The following HECW2 variants were observed in gnomAD, a reference collection of about 807,000 sequenced individuals.
The protein encoded by HECW2 is HECT, C2 and WW domain containing E3 ubiquitin protein ligase 2.
In HECW2, 61 loss-of-function variants were observed where a neutral mutation model predicts 175.2. The observed-to-expected ratio is 0.35, with a 90% CI of 0.28 to 0.43. The LOEUF (loss-of-function observed/expected upper bound fraction) is 0.43, where lower values mean the gene tolerates loss of function less well. Among genes scored for constraint, HECW2 ranks in the 20% least tolerant of loss-of-function variants. The pLI, the probability that HECW2 is intolerant of heterozygous loss-of-function variation, is 1.00. For synonymous variants in HECW2, 671 were observed against 731.0 expected (o/e 0.92, Z 1.32); for missense variants, 1,524 against 2,000.5 (o/e 0.76, Z 4.54).
At chr2:196,437,792 T>C (rs1212353869) in intron 1 of HECW2, among the ~76,000 whole-genome samples, 1 of 150,264 alleles carries the variant, frequency 6.7e-6, no homozygotes, top group East Asian at 2.0e-4. Context: ...GAGAGAAAAA[T>C]GAAAGAGAGA....
chr2:196,298,640 C>G (rs2105670017), intron 13 of HECW2, among the ~76,000 whole-genome samples: 1 of 152,254 alleles, frequency 6.6e-6, no homozygotes, highest in East Asian at 1.9e-4. Flanking sequence ...AATGCTATCC[C>G]TCCCCACTCC....
chr2:196,330,622 A>C (rs1411058116), intron 4 of HECW2, among the ~76,000 whole-genome samples: 50 of 152,062 alleles, frequency 3.3e-4, no homozygotes, highest in Non-Finnish European at 5.9e-5. Flanking sequence ...CCCCACCCTC[A>C]ATATGTGATC....
chr2:196,389,402 C>T (rs915269228), intron 2 of HECW2, among the ~76,000 whole-genome samples: 5 of 152,112 alleles, frequency 3.3e-5, no homozygotes, highest in Admixed American at 6.5e-5. Context: ...TGGTCAAATA[C>T]GACTAGGATG....
Position 196,318,539 on chromosome 2 carries a change from G to A in HECW2, c.2338+13C>T, listed in dbSNP as rs779007322. 1.7e-5 allele frequency: 25 copies of A among 1,495,738 alleles called. No individual in the cohort carries two copies. In the Admixed American group the frequency reaches 3.5e-4, roughly 21 times the overall value. 92.7% of individuals were successfully genotyped at this position (1,495,738 alleles called of 1,614,324 possible). On this transcript the variant is annotated intron_variant, in intron 9 of 28. Coordinates refer to ENST00000644978, the MANE Select transcript of HECW2 (RefSeq NM_001348768.2). ...CGCTCGAGCCAAGAGCCACAGTGGT[G>A]TCCATATCCTACCTCCAGTAGCGCC...
At chr2:196,228,932 C>T (rs1445911406) in intron 21 of HECW2, among the ~76,000 whole-genome samples, 1 of 152,128 alleles carries the variant, frequency 6.6e-6, no homozygotes, top group East Asian at 1.9e-4. Flanking sequence ...ACCTGAGCTA[C>T]AGTATAAATT....
At chr2:196,466,428 C>G (rs1266597879) in intron 1 of HECW2, among the ~76,000 whole-genome samples, 1 of 152,180 alleles carries the variant, frequency 6.6e-6, no homozygotes, top group Non-Finnish European at 1.5e-5. Flanking sequence ...GTTTAGCTAG[C>G]AAGGGTTACC....
chr2:196,348,374 G>T lies in HECW2; in HGVS notation c.293-4610C>A, dbSNP rs542480107. ...GAACAATAGTGGGCCCAGGTGCAGT[G>T]GGTCATGCCTGTCATCCTAACACTT... On this transcript the variant is annotated intron_variant, in intron 2 of 28. Coordinates refer to ENST00000644978, the MANE Select transcript of HECW2 (RefSeq NM_001348768.2). Among the ~76,000 whole-genome samples the T allele has an allele frequency of 9.2e-5, 14 of 152,218 alleles. No individual in the cohort carries two copies. In the South Asian group the frequency reaches 2.9e-3, roughly 32 times the overall value.
intron 2 of HECW2, among the ~76,000 whole-genome samples, chr2:196,366,392 T>A (rs1158334533): frequency 2.0e-5 from 3 of 152,208 alleles, no homozygotes; most frequent in Admixed American, 2.0e-4. Flanking sequence ...CCTCTAGGAA[T>A]GTCCATTCAA....
Position 196,408,627 on chromosome 2 carries a change from C to T in HECW2, c.292+24505G>A, listed in dbSNP as rs1300014331. Among the ~76,000 whole-genome samples, 6 of 152,312 alleles carry T rather than the reference C, an allele frequency of 3.9e-5. No individual in the cohort carries two copies. The South Asian group carries it at 1.0e-3, about 26-fold the overall frequency. On this transcript the variant is annotated intron_variant, in intron 2 of 28. Transcript: ENST00000644978. The stretch of plus-strand genomic sequence containing the variant: ...AGAAATTCTACACCCCTCCATTGAA[C>T]TTTCTTTCAAGATACAAAGTAGAAG...
intron 17 of HECW2, 67 bp from the exon 18 acceptor site, chr2:196,257,973 G>A (rs1689131172): frequency 8.7e-7 from 1 of 1,151,118 alleles, no homozygotes; most frequent in Admixed American, 1.8e-5. Flanking sequence ...CAGTAGTAAA[G>A]AGCATTTTTT....
intron 1 of HECW2, among the ~76,000 whole-genome samples, chr2:196,463,555 A>T (rs1269279313): frequency 6.6e-6 from 1 of 152,214 alleles, no homozygotes; most frequent in Non-Finnish European, 1.5e-5. Context: ...ATTCGTTTGC[A>T]TTATGACTAT....
At chr2:196,460,903 G>T (rs555693284) in intron 1 of HECW2, among the ~76,000 whole-genome samples, 7 of 150,782 alleles carry the variant, frequency 4.6e-5, no homozygotes, top group African/African-American at 1.5e-4. Flanking sequence ...AGGATTACAG[G>T]TGTGAGCCAC....
At chr2:196,435,025 G>C (rs1695830793) in intron 1 of HECW2, among the ~76,000 whole-genome samples, 1 of 152,182 alleles carries the variant, frequency 6.6e-6, no homozygotes, top group African/African-American at 2.4e-5. Context: ...CCTGTGCTAG[G>C]TTTATAGCAC....
intron 1 of HECW2, among the ~76,000 whole-genome samples, chr2:196,440,130 G>T (rs1695997217): frequency 1.3e-5 from 2 of 152,160 alleles, no homozygotes; most frequent in African/African-American, 2.4e-5. Context: ...TAACTCTTAT[G>T]AGGGTGGGTC....
intron 22 of HECW2, among the ~76,000 whole-genome samples, chr2:196,227,597 C>T (rs1011443443): frequency 1.3e-5 from 2 of 152,116 alleles, no homozygotes; most frequent in Non-Finnish European, 2.9e-5. Context: ...CCCCACTGCC[C>T]ACTAGAGCAC....
chr2:196,304,665 A>AT (rs1283787386), intron 13 of HECW2, among the ~76,000 whole-genome samples: 1 of 152,008 alleles, frequency 6.6e-6, no homozygotes. Context: ...TTAAAGCATG[A>AT]TTTTTTTCTG....
chr2:196,302,789 C>T (rs1323626857), intron 13 of HECW2, among the ~76,000 whole-genome samples: 1 of 152,178 alleles, frequency 6.6e-6, no homozygotes, highest in Non-Finnish European at 1.5e-5. Context: ...ACTGAAGTTG[C>T]TTATCAGCTT....
intron 2 of HECW2, among the ~76,000 whole-genome samples, chr2:196,368,510 T>C (rs13400458): frequency 0.26 from 38,975 of 152,064 alleles, 6,339 homozygotes; most frequent in African/African-American, 0.46. Context: ...ATTTGAATAT[T>C]GATATCTTTC....
intron 1 of HECW2, among the ~76,000 whole-genome samples, chr2:196,487,057 G>A (rs890070278): frequency 6.6e-6 from 1 of 151,394 alleles, no homozygotes; most frequent in African/African-American, 2.4e-5. Flanking sequence ...GCTGCGGCAG[G>A]AGAATCGCTT....
Sources: gnomAD v4.1 joint callset for allele counts (sites outside exome capture counted in the v4.1 genomes callset) on GRCh38, gnomAD v4.1.1 for gene constraint, MANE v1.5 for transcripts, NCBI Gene and HGNC (gene_info 2026-07-23, HGNC 2026-07-21) for gene names.